HDAC9: variants seen among roughly 807,000 people sequenced by gnomAD.
HDAC9 encodes histone deacetylase 9, also known as MEF-2 interacting transcription repressor (MITR) protein.
Under a neutral mutation model 139.4 loss-of-function variants are expected in HDAC9, and 41 were observed. The observed-to-expected ratio is 0.29, with a 90% CI of 0.23 to 0.38. The LOEUF is 0.38. HDAC9 is among the 10% of genes least tolerant of loss of function. The probability of loss-of-function intolerance (pLI) is 1.00; values close to 1 mark genes in which losing one functional copy is unlikely to be tolerated. For missense variants in HDAC9, 1,147 were observed against 1,297.0 expected, an observed-to-expected ratio of 0.88 and a Z score of 1.78; for synonymous variants, 517 against 476.2, an observed-to-expected ratio of 1.09 and a Z score of -1.12.
Position 18,122,706 on chromosome 7 carries a change from C to T in HDAC9, c.-97+35493C>T, listed in dbSNP as rs142367090. ...TGATCTCAGCTCACTGCAACCTCCA[C>T]CTCCCAAGTTCAAGCGATTCTCCTG... On this transcript the variant is annotated intron_variant, in intron 1 of 12. Coordinates refer to the HDAC9 transcript ENST00000417496. Among the ~76,000 whole-genome samples, 64 of 152,254 alleles carry T rather than the reference C, an allele frequency of 4.2e-4. No homozygotes were observed. The East Asian group carries it at 9.3e-3, about 22-fold the overall frequency.
chr7:18,196,211 A>G (rs534104301), intron 2 of HDAC9, among the ~76,000 whole-genome samples: 2 of 152,316 alleles, frequency 1.3e-5, no homozygotes, highest in South Asian at 2.1e-4. Flanking sequence ...GTACATTTGG[A>G]GCCAGTGGGG....
Position 18,149,844 on chromosome 7 carries a change from G to A in HDAC9, c.-96-12385G>A, listed in dbSNP as rs1464213947. Among the ~76,000 whole-genome samples the A allele has an allele frequency of 5.3e-5, 8 of 152,148 alleles. No individual in the cohort carries two copies. The East Asian group carries it at 1.5e-3, about 29-fold the overall frequency. On this transcript the variant is annotated intron_variant, in intron 1 of 12. Coordinates refer to the HDAC9 transcript ENST00000417496. ...GCTGGGATTACAGGCATAAGCCACTGCGCCCAGCCCAGTTTTTCATTTTTT... is the reference window on the plus strand; with the variant it reads ...GCTGGGATTACAGGCATAAGCCACTACGCCCAGCCCAGTTTTTCATTTTTT...
intron 22 of HDAC9, among the ~76,000 whole-genome samples, chr7:18,898,608 G>A (rs992180498): frequency 3.2e-4 from 49 of 151,680 alleles, no homozygotes; most frequent in African/African-American, 1.1e-3. Flanking sequence ...TCAGAGAAAG[G>A]GTATGTACTC....
intron 22 of HDAC9, among the ~76,000 whole-genome samples, chr7:18,931,057 C>A (rs1038489743): frequency 3.9e-5 from 6 of 152,032 alleles, no homozygotes; most frequent in Non-Finnish European, 7.4e-5. Flanking sequence ...TTTATTATAT[C>A]TTTTAAAATT....
At chr7:18,898,696 A>G (rs1449974982) in intron 22 of HDAC9, among the ~76,000 whole-genome samples, 1 of 151,890 alleles carries the variant, frequency 6.6e-6, no homozygotes, top group Non-Finnish European at 1.5e-5. Context: ...GTTGGAATTC[A>G]CATTTACAAC....
intron 1 of HDAC9, among the ~76,000 whole-genome samples, chr7:18,136,420 G>C (rs1210054426): frequency 2.0e-5 from 3 of 151,662 alleles, no homozygotes; most frequent in African/African-American, 7.3e-5. Flanking sequence ...TTTCTTCTAG[G>C]GTTTTTATGG....
intron 2 of HDAC9, among the ~76,000 whole-genome samples, chr7:18,565,585 T>G (rs2128722850): frequency 1.3e-5 from 2 of 152,246 alleles, no homozygotes; most frequent in South Asian, 4.1e-4. Context: ...GAAGAGTTCT[T>G]TAGCTGTTGA....
chr7:18,168,444 G>C (rs1788149210), intron 2 of HDAC9, among the ~76,000 whole-genome samples: 1 of 152,080 alleles, frequency 6.6e-6, no homozygotes, highest in African/African-American at 2.4e-5. Context: ...GCAAAATCTT[G>C]CTACCTCTGC....
chr7:18,628,110 A>G (rs866866627), intron 6 of HDAC9, among the ~76,000 whole-genome samples: 1 of 152,188 alleles, frequency 6.6e-6, no homozygotes, highest in Non-Finnish European at 1.5e-5. Flanking sequence ...GCTACATTAT[A>G]ACATTGTGTC....
chr7:18,317,668 A>C (rs555738357), intron 1 of HDAC9, among the ~76,000 whole-genome samples: 1 of 152,164 alleles, frequency 6.6e-6, no homozygotes, highest in Non-Finnish European at 1.5e-5. Context: ...TGCTAAATCA[A>C]CTGCTGCCTA....
chr7:18,451,333 A>G (rs1792799771), intron 1 of HDAC9, among the ~76,000 whole-genome samples: 1 of 150,986 alleles, frequency 6.6e-6, no homozygotes, highest in Non-Finnish European at 1.5e-5. Context: ...TTTTTGTTAT[A>G]GCAGGCTGAA....
chr7:18,951,924 TA>T (rs1782824615), intron 23 of HDAC9, among the ~76,000 whole-genome samples: 1 of 151,860 alleles, frequency 6.6e-6, no homozygotes, highest in African/African-American at 2.4e-5. Context: ...TTTAATTTTA[TA>T]AAAACAGACT....
intron 24 of HDAC9, among the ~76,000 whole-genome samples, chr7:18,961,435 G>T (rs1046237133): frequency 6.6e-6 from 1 of 152,126 alleles, no homozygotes; most frequent in Admixed American, 6.6e-5. Context: ...CAGCTCCCAC[G>T]ATAGGAAATT....
At chr7:18,367,647 A>T (rs750237360) in intron 1 of HDAC9, among the ~76,000 whole-genome samples, 5 of 152,128 alleles carry the variant, frequency 3.3e-5, no homozygotes, top group Non-Finnish European at 7.4e-5. Context: ...TTTTCTGAAC[A>T]TGCTTGTGCA....
intron 12 of HDAC9, among the ~76,000 whole-genome samples, chr7:18,675,928 T>C (rs936309189): frequency 2.6e-5 from 4 of 152,058 alleles, no homozygotes; most frequent in South Asian, 2.1e-4. Context: ...GGATTTTTTT[T>C]CACCAGATTT....
intron 2 of HDAC9, among the ~76,000 whole-genome samples, chr7:18,277,931 G>A (rs916503852): frequency 1.3e-5 from 2 of 152,020 alleles, no homozygotes; most frequent in East Asian, 1.9e-4. Flanking sequence ...ACTTGTTATC[G>A]TTTAGCTTTA....
intron 2 of HDAC9, among the ~76,000 whole-genome samples, chr7:18,273,011 T>C (rs1013168648): frequency 1.1e-4 from 16 of 147,820 alleles, no homozygotes; most frequent in Non-Finnish European, 1.8e-4. Context: ...CTTCTTCTTC[T>C]TCCTCCTCCT....
chr7:18,732,600 T>G (rs1786199181), intron 13 of HDAC9, among the ~76,000 whole-genome samples: 1 of 145,500 alleles, frequency 6.9e-6, no homozygotes, highest in African/African-American at 2.7e-5. Flanking sequence ...CACGTGTATA[T>G]GTGTGCATAT....
chr7:18,377,347 T>G (rs1785071129), intron 1 of HDAC9, among the ~76,000 whole-genome samples: 1 of 152,150 alleles, frequency 6.6e-6, no homozygotes, highest in Non-Finnish European at 1.5e-5. Flanking sequence ...TTTTAACGTA[T>G]TCAGTATATA....
Sources: gnomAD v4.1 joint callset for allele counts (sites outside exome capture counted in the v4.1 genomes callset) on GRCh38, gnomAD v4.1.1 for gene constraint, MANE v1.5 for transcripts, NCBI Gene and HGNC (gene_info 2026-07-23, HGNC 2026-07-21) for gene names.